Variants in TBCEL observed in about 807,000 individuals in gnomAD.
The protein encoded by TBCEL is tubulin folding cofactor E like, also known as tubulin-specific chaperone cofactor E-like protein.
In TBCEL, 15 loss-of-function variants were observed where a neutral mutation model predicts 44.2. That is an observed-to-expected ratio of 0.34 (90% CI 0.23 to 0.52). TBCEL has a LOEUF of 0.52. TBCEL is among the 20% of genes least tolerant of loss of function. The probability of loss-of-function intolerance (pLI) is 0.95; values close to 1 mark genes in which losing one functional copy is unlikely to be tolerated. For synonymous variants in TBCEL, 171 were observed against 185.4 expected, an observed-to-expected ratio of 0.92 and a Z score of 0.63; for missense variants, 319 against 506.3, an observed-to-expected ratio of 0.63 and a Z score of 3.55.
At chr11:121,029,291 C>T (rs1207931758) in intron 1 of TBCEL, among the ~76,000 whole-genome samples, 2 of 152,134 alleles carry the variant, frequency 1.3e-5, no homozygotes, top group South Asian at 4.1e-4. Flanking sequence ...TGTATTCCCA[C>T]CTCTGCCAAA....
Position 121,028,456 on chromosome 11 carries a change from T to C in TBCEL, c.-126+4165T>C, listed in dbSNP as rs192136203. On this transcript the variant is annotated intron_variant, in intron 1 of 8. Coordinates refer to ENST00000683345, the MANE Select transcript of TBCEL (RefSeq NM_001363644.2). ...GCAATATCATAATTCAGCAAACTGG[T>C]TTAATTTTAGGGCCTTGAAGTCAGC... Among the ~76,000 whole-genome samples the C allele has an allele frequency of 4.5e-3, 687 of 152,284 alleles. 5 individuals are homozygous for C. Among genetic ancestry groups the C allele is most frequent in the Middle Eastern group, 0.014 (4 of 294 alleles).
intron 1 of TBCEL, chr11:121,035,433 T>G (rs556143213): frequency 1.3e-5 from 2 of 150,436 alleles, no homozygotes; most frequent in South Asian, 4.2e-4. Context: ...GCACTAAATG[T>G]AGGAGGAGCT....
At chr11:121,084,279 G>C (rs1286645242) in intron 8 of TBCEL, among the ~76,000 whole-genome samples, 1 of 152,160 alleles carries the variant, frequency 6.6e-6, no homozygotes, top group Non-Finnish European at 1.5e-5. Flanking sequence ...TGTGGTGGTG[G>C]TGGTTTGCTC....
intron 8 of TBCEL, among the ~76,000 whole-genome samples, chr11:121,072,194 T>C (rs1945947407): frequency 1.3e-5 from 2 of 152,106 alleles, no homozygotes; most frequent in Admixed American, 6.6e-5. Context: ...TTGATTGGAG[T>C]CATATACAAG....
At chr11:121,063,885 T>A (rs1289227275) in intron 8 of TBCEL, among the ~76,000 whole-genome samples, 1 of 152,118 alleles carries the variant, frequency 6.6e-6, no homozygotes, top group Non-Finnish European at 1.5e-5. Context: ...CTTAGATTAA[T>A]CTACTTTTTA....
In TBCEL at chr11:121,053,347, C is replaced by G. The variant is rs7101954; in HGVS notation, c.274-204C>G. The stretch of plus-strand genomic sequence containing the variant: ...TGTTATGTACCAGTCAGTTATGCCA[C>G]TATTTCATTGAAAGATTAAATTATT... On this transcript the variant is annotated intron_variant, in intron 4 of 8. Transcript: ENST00000683345. 4.7e-3 allele frequency among the ~76,000 whole-genome samples: 712 copies of G among 152,000 alleles called. 5 individuals carry two copies. The highest frequency in any genetic ancestry group is 0.017 in the Middle Eastern group (5 of 294).
intron 6 of TBCEL, 125 bp from the exon 7 acceptor site, chr11:121,058,220 G>A: frequency 8.2e-7 from 1 of 1,212,272 alleles, no homozygotes; most frequent in African/African-American, 1.5e-5. Flanking sequence ...AAAACTTTCA[G>A]ACCGTTTAGT....
chr11:121,032,906 A>C (rs187107824), intron 1 of TBCEL, among the ~76,000 whole-genome samples: 169 of 152,344 alleles, frequency 1.1e-3, no homozygotes, highest in African/African-American at 3.8e-3. Flanking sequence ...TGTTGTAACA[A>C]GTACCTTTTG....
In TBCEL at chr11:121,047,624, C is replaced by T. The variant is rs1945453042; in HGVS notation, c.230C>T (p.Ser77Leu). Residue 77 changes from serine (S) to leucine (L), a missense_variant, in exon 4 of 9, where the codon TCG (serine) becomes TTG (leucine). Physicochemically the swap from Ser to Leu is moderately radical, Grantham distance 145 (BLOSUM62 -2). Coordinates refer to ENST00000683345, the MANE Select transcript of TBCEL (RefSeq NM_001363644.2). ...ATTGCTGCTTTCTGCGCTCATGTGTCGGAACTAGATCTTTCTGACAACAAA... is the reference window on the plus strand; with the variant it reads ...ATTGCTGCTTTCTGCGCTCATGTGTTGGAACTAGATCTTTCTGACAACAAA... ...KEIAAFCAHV[S>L]ELDLSDNKLE... 8.7e-6 allele frequency: 14 copies of T among 1,612,512 alleles called. No individual in the cohort carries two copies. The highest frequency in any genetic ancestry group is 1.1e-5 in the South Asian group (1 of 91,030).
At chr11:121,030,934 A>G (rs1167829857) in intron 1 of TBCEL, among the ~76,000 whole-genome samples, 1 of 152,026 alleles carries the variant, frequency 6.6e-6, no homozygotes, top group Non-Finnish European at 1.5e-5. Context: ...GAACAAATCA[A>G]CACTGTTTTT....
chr11:121,086,722 T>G, intron 8 of TBCEL, 56 bp from the exon 9 acceptor site: 1 of 1,326,134 alleles, frequency 7.5e-7, no homozygotes, highest in Non-Finnish European at 1.0e-6. Context: ...TGGGAAGAAG[T>G]CCACAGTACA....
rs776067976 is a variant in TBCEL, at chr11:121,060,054, G to C, written c.925G>C (p.Val309Leu). 2 of 1,611,494 alleles carry C rather than the reference G, an allele frequency of 1.2e-6. No individual in the cohort carries two copies. The highest frequency in any genetic ancestry group is 2.7e-5 in the African/African-American group (2 of 74,778). The change falls in exon 8 of 9, where the codon GTG becomes CTG. Residue 309 changes from valine to leucine, a missense_variant. By Grantham distance (32) the Val-to-Leu change is conservative. Coordinates refer to ENST00000683345, the MANE Select transcript of TBCEL (RefSeq NM_001363644.2). ...TGAGAGATTTTTTATTCGTTACTAT[G>C]TGGATGTTCCACAGGAAGAAGTGCC... ...DSERFFIRYY[V>L]DVPQEEVPFR...
At chr11:121,040,681 T>A (rs1230482377) in intron 2 of TBCEL, among the ~76,000 whole-genome samples, 1 of 152,162 alleles carries the variant, frequency 6.6e-6, no homozygotes, top group Non-Finnish European at 1.5e-5. Context: ...AATTCCAATT[T>A]GGAATTTTAA....
chr11:121,031,814 G>A (rs1401275449), intron 1 of TBCEL, among the ~76,000 whole-genome samples: 3 of 151,618 alleles, frequency 2.0e-5, no homozygotes, highest in Admixed American at 6.6e-5. Context: ...ACAGGCACAT[G>A]CCACCATGCC....
Position 121,088,912 on chromosome 11 carries a change from T to G in TBCEL, c.*1816T>G, listed in dbSNP as rs1946253970. The stretch of plus-strand genomic sequence containing the variant: ...TTCTCCTTCTGCTGCAGACTTTATC[T>G]TTCAAAATCATAAAAATGAGCAATG... On this transcript the variant is annotated 3_prime_UTR_variant, in exon 9 of 9. Coordinates refer to ENST00000683345, the MANE Select transcript of TBCEL (RefSeq NM_001363644.2). The G allele has an allele frequency of 6.6e-6, 1 of 152,192 alleles. No homozygotes were observed. The highest frequency in any genetic ancestry group is 6.5e-5 in the Admixed American group (1 of 15,280). 9.4% of individuals were successfully genotyped at this position (152,192 alleles called of 1,614,324 possible). A position where few individuals can be genotyped will look rare whatever the true frequency, so the allele number is the denominator to read the frequency against.
intron 4 of TBCEL, 90 bp from the exon 5 acceptor site, chr11:121,053,461 G>A: frequency 4.0e-6 from 5 of 1,242,122 alleles, no homozygotes; most frequent in South Asian, 1.4e-5. Context: ...CCTTTGCCTG[G>A]AGACCAGCTC....
chr11:121,037,685 T>A (rs1945256833), intron 2 of TBCEL, among the ~76,000 whole-genome samples: 1 of 152,254 alleles, frequency 6.6e-6, no homozygotes, highest in Non-Finnish European at 1.5e-5. Context: ...ATATATCTAA[T>A]CTTTGTGTAA....
At chr11:121,053,885 G>C (rs1278632563) in intron 5 of TBCEL, among the ~76,000 whole-genome samples, 153 bp downstream of exon 5, 1 of 151,914 alleles carries the variant, frequency 6.6e-6, no homozygotes, top group East Asian at 1.9e-4. Flanking sequence ...GAGAATGTGA[G>C]GGTAATCTAG....
At chr11:121,075,366 T>C (rs1946014475) in intron 8 of TBCEL, among the ~76,000 whole-genome samples, 1 of 151,980 alleles carries the variant, frequency 6.6e-6, no homozygotes, top group African/African-American at 2.4e-5. Context: ...AACCTCAACC[T>C]AAATCTGTTG....
Sources: gnomAD v4.1 joint callset for allele counts (sites outside exome capture counted in the v4.1 genomes callset) on GRCh38, gnomAD v4.1.1 for gene constraint, MANE v1.5 for transcripts, NCBI Gene and HGNC (gene_info 2026-07-23, HGNC 2026-07-21) for gene names.